The following COL4A4 variants were observed in gnomAD, a reference collection of about 807,000 sequenced individuals.
The protein encoded by COL4A4 is collagen alpha-4(IV) chain.
In COL4A4, 105 loss-of-function variants were observed where a neutral mutation model predicts 192.9. The observed-to-expected ratio is 0.54, with a 90% CI of 0.46 to 0.64. COL4A4 has a LOEUF of 0.64. Ranked by LOEUF, COL4A4 falls within the 30% of genes least tolerant of loss-of-function variation. The pLI is 0.00. For missense variants in COL4A4, 1,967 were observed against 2,169.3 expected (o/e 0.91, Z 1.85); for synonymous variants, 762 against 769.9 (o/e 0.99, Z 0.17).
chr2:227,159,580 G>A (rs1435296140), intron 1 of COL4A4, among the ~76,000 whole-genome samples: 1 of 152,192 alleles, frequency 6.6e-6, no homozygotes, highest in Non-Finnish European at 1.5e-5. Flanking sequence ...ATCCCCATAT[G>A]TCATGGGAGG....
At chr2:227,009,254 A>G (rs1016397301) in intron 46 of COL4A4, among the ~76,000 whole-genome samples, 2 of 152,184 alleles carry the variant, frequency 1.3e-5, no homozygotes, top group Non-Finnish European at 2.9e-5. Flanking sequence ...AGTGAGAGCA[A>G]TGGCAAGCAC....
intron 1 of COL4A4, among the ~76,000 whole-genome samples, chr2:227,147,794 A>C (rs2063645312): frequency 6.7e-6 from 1 of 150,146 alleles, no homozygotes; most frequent in Non-Finnish European, 1.5e-5. Flanking sequence ...TATTTTTGAT[A>C]AATGGAAAAA....
rs60278194 is a variant in COL4A4 at position 227,106,125 on chromosome 2, G to GTT, written c.736-2075_736-2074dup. On this transcript the variant is annotated intron_variant, in intron 12 of 47. Transcript: ENST00000396625. ...CCAGATTAGAAACATTGTCTGTTTT[G>GTT]TTTTTTTTTCCTTGATTTATCTACA... Among the ~76,000 whole-genome samples the GTT allele has an allele frequency of 9.6e-4, 142 of 148,164 alleles. 1 individual carries two copies. Among genetic ancestry groups the GTT allele is most frequent in the African/African-American group, 1.8e-3 (73 of 40,128 alleles).
At chr2:227,028,685 T>C (rs1202350794) in intron 41 of COL4A4, among the ~76,000 whole-genome samples, 2 of 148,100 alleles carry the variant, frequency 1.4e-5, no homozygotes, top group East Asian at 3.9e-4. Context: ...TTATTATTAT[T>C]TGCTCCATTA....
chr2:227,025,752 G>A, intron 43 of COL4A4, 50 bp downstream of exon 43: 1 of 1,544,194 alleles, frequency 6.5e-7, no homozygotes, highest in Non-Finnish European at 8.9e-7. Context: ...GTACAGAAAT[G>A]ACTAGAAACC....
At chr2:227,014,735 G>A (rs1964508530) in intron 44 of COL4A4, among the ~76,000 whole-genome samples, 1 of 151,954 alleles carries the variant, frequency 6.6e-6, no homozygotes, top group African/African-American at 2.4e-5. Flanking sequence ...TTTCCAGATG[G>A]AGTCTCGCTG....
intron 35 of COL4A4, among the ~76,000 whole-genome samples, chr2:227,045,299 C>G (rs551106414): frequency 6.6e-6 from 1 of 152,234 alleles, no homozygotes; most frequent in African/African-American, 2.4e-5. Context: ...AGAGAAGATA[C>G]TCTCAGCTTA....
At chr2:226,977,092 A>G in the COL4A4 span, among the ~76,000 whole-genome samples, 1 of 152,184 alleles carries the variant, frequency 6.6e-6, no homozygotes. Context: ...GCCTGTCTTC[A>G]TGGAAAAAGG....
intron 20 of COL4A4, among the ~76,000 whole-genome samples, chr2:227,090,845 C>G (rs759126261): frequency 2.1e-5 from 3 of 144,052 alleles, no homozygotes; most frequent in Non-Finnish European, 3.0e-5. Flanking sequence ...GAACCAGCAA[C>G]AACCAAGTAA....
chr2:227,089,708 T>C (rs1462655069), intron 21 of COL4A4, among the ~76,000 whole-genome samples, 160 bp downstream of exon 21: 2 of 151,478 alleles, frequency 1.3e-5, no homozygotes, highest in African/African-American at 4.8e-5. Flanking sequence ...CTTTGACTTT[T>C]CAGTGACTTG....
chr2:227,024,887 G>T (rs1321084850), intron 43 of COL4A4, among the ~76,000 whole-genome samples: 1 of 152,210 alleles, frequency 6.6e-6, no homozygotes, highest in East Asian at 1.9e-4. Flanking sequence ...AGTTCAGAAA[G>T]TGGGAGCATG....
rs1051283592 is a variant in COL4A4, at chr2:227,119,976, T to A, written c.328-37A>T. 3.5e-6 allele frequency: 5 copies of A among 1,448,184 alleles called. No individual in the cohort carries two copies. In the African/African-American group the frequency reaches 7.1e-5, roughly 20 times the overall value. The allele number at this position is 1,448,184 out of a possible 1,614,324, so 89.7% of individuals were successfully genotyped here. A position where few individuals can be genotyped will look rare whatever the true frequency, so the allele number is the denominator to read the frequency against. On this transcript the variant is annotated intron_variant, in intron 5 of 47. Coordinates refer to ENST00000396625, the MANE Select transcript of COL4A4 (RefSeq NM_000092.5). Reference sequence around the variant, plus strand: ...GAAAATAAAACAAAGAGATAAAAATTATTAAATTAATAAGCTGATTTACTT... The same window carrying A: ...GAAAATAAAACAAAGAGATAAAAATAATTAAATTAATAAGCTGATTTACTT...
At chr2:227,082,058 G>A in intron 23 of COL4A4, 57 bp downstream of exon 23, 1 of 1,366,576 alleles carries the variant, frequency 7.3e-7, no homozygotes, top group Non-Finnish European at 1.0e-6. Context: ...ACTGCAAGAG[G>A]AGGGTCCATA....
the COL4A4 span, among the ~76,000 whole-genome samples, chr2:226,994,916 G>C: frequency 2.0e-5 from 3 of 152,056 alleles, no homozygotes; most frequent in African/African-American, 7.2e-5. Flanking sequence ...GATCAGTATG[G>C]TAACTCTGCT....
rs1575931307 is a variant in COL4A4 at position 227,033,417 on chromosome 2, A to T, written c.3570T>A (p.Gly1190=). The T allele has an allele frequency of 1.2e-6, 2 of 1,613,068 alleles. No homozygotes were observed. Among genetic ancestry groups the T allele is most frequent in the Non-Finnish European group, 1.7e-6 (2 of 1,179,674 alleles). ...HGLKGQKGTK[G]ASGLHDVGPP... ...AATCGATTAGGTGCTTACCTGAAGC[A>T]CCTTTAGTTCCTTTCTGACCTTTCA... Residue 1190 remains glycine (G), a synonymous_variant, in exon 38 of 48, where the codon GGT becomes GGA. Coordinates refer to ENST00000396625, the MANE Select transcript of COL4A4 (RefSeq NM_000092.5).
Position 227,008,067 on chromosome 2 carries a change from G to C in COL4A4, c.4760C>G (p.Pro1587Arg), listed in dbSNP as rs190148408. ...AVHSQDQSIP[P>R]CPQTWRSLWI... ...GAGGCTCCTCCAGGTCTGCGGACAT[G>C]GGGGGATGGACTGGTCCTGGCTGTG... Residue 1587 changes from proline (P) to arginine (R), a missense_variant, in exon 47 of 48, where the codon CCA (proline) becomes CGA (arginine). Coordinates refer to ENST00000396625, the MANE Select transcript of COL4A4 (RefSeq NM_000092.5). The C allele has an allele frequency of 3.4e-3, 5,525 of 1,613,882 alleles. 17 individuals carry two copies. The highest frequency in any genetic ancestry group is 4.2e-3 in the Non-Finnish European group (5,000 of 1,180,000).
chr2:227,089,527 C>T (rs1331775777), intron 21 of COL4A4, among the ~76,000 whole-genome samples: 1 of 147,070 alleles, frequency 6.8e-6, no homozygotes. Flanking sequence ...CTCAAGGAAT[C>T]AAGAGGACCT....
At position 227,056,022 on chromosome 2, in the gene COL4A4, G is replaced by A; in HGVS notation, c.2639C>T (p.Ala880Val). The A allele has an allele frequency of 6.2e-7, 1 of 1,612,736 alleles. No homozygotes were observed. Among genetic ancestry groups the A allele is most frequent in the East Asian group, 2.2e-5 (1 of 44,854 alleles). Residue 880 changes from alanine to valine, a missense_variant, in exon 30 of 48, where the codon GCA becomes GTA. Coordinates refer to ENST00000396625, the MANE Select transcript of COL4A4 (RefSeq NM_000092.5). ...TCCTGGGAGGCCTGGGGGACCATGT[G>A]CCCCAGGCCGTCCTGGGAGTCCGGG... ...GLPGLPGRPG[A>V]HGPPGLPGIP... is the part of the protein sequence containing the mutation.
the COL4A4 span, among the ~76,000 whole-genome samples, chr2:226,973,179 A>G: frequency 6.6e-6 from 1 of 152,196 alleles, no homozygotes; most frequent in Non-Finnish European, 1.5e-5. Flanking sequence ...GGAACTATAT[A>G]GTGTTGATTG....
Sources: allele counts gnomAD v4.1 joint callset (sites outside exome capture counted in the v4.1 genomes callset), GRCh38; gene constraint gnomAD v4.1.1; transcripts MANE v1.5; gene names NCBI Gene and HGNC (gene_info 2026-07-23, HGNC 2026-07-21).